Variants in NUP153 observed in about 807,000 individuals in gnomAD.
NUP153 encodes the protein nuclear pore complex protein Nup153.
In NUP153, 27 loss-of-function variants were observed where a neutral mutation model predicts 134.6. The observed-to-expected ratio is 0.20, with a 90% CI of 0.15 to 0.28. NUP153 has a LOEUF of 0.28. NUP153 is among the 10% of genes least tolerant of loss of function. The pLI is 1.00. For synonymous variants in NUP153, 640 were observed against 623.5 expected, an observed-to-expected ratio of 1.03 and a Z score of -0.40; for missense variants, 1,821 against 1,731.3, an observed-to-expected ratio of 1.05 and a Z score of -0.92.
chr6:17,642,925 A>C (rs1011072915), intron 14 of NUP153, among the ~76,000 whole-genome samples: 8 of 152,218 alleles, frequency 5.3e-5, no homozygotes, highest in Non-Finnish European at 1.2e-4. Flanking sequence ...AGCTGTACGA[A>C]GCCACATTGT....
At chr6:17,648,571 C>T (rs923574878) in intron 12 of NUP153, among the ~76,000 whole-genome samples, 2 of 151,880 alleles carry the variant, frequency 1.3e-5, no homozygotes, top group East Asian at 1.9e-4. Flanking sequence ...GAGCCAAGAT[C>T]GTGCCACTGC....
chr6:17,646,003 G>A (rs1207388493), intron 14 of NUP153, 64 bp downstream of exon 14: 1 of 618,916 alleles, frequency 1.6e-6, no homozygotes, highest in Admixed American at 3.1e-5. Flanking sequence ...GGTGAAAGAA[G>A]CTGAAATACT....
intron 11 of NUP153, among the ~76,000 whole-genome samples, chr6:17,656,470 G>C (rs1262225127): frequency 6.6e-6 from 1 of 152,154 alleles, no homozygotes; most frequent in Non-Finnish European, 1.5e-5. Context: ...AGTCTCCCCA[G>C]CTGGGGTGAT....
intron 11 of NUP153, among the ~76,000 whole-genome samples, chr6:17,657,385 T>TAAAAAAAA (rs151192201): frequency 3.6e-5 from 5 of 137,896 alleles, no homozygotes; most frequent in African/African-American, 1.1e-4. Flanking sequence ...TCTACTAAAA[T>TAAAAAAAA]AAAAAAATAA....
rs1316548322 is a variant in NUP153, at chr6:17,672,939, T to G, written c.852+1966A>C. ...AATTAAAACCTAAAACTATAAAACTTGTAGAAGAAAACATAAGACAAAATC... is the reference window on the plus strand; with the variant it reads ...AATTAAAACCTAAAACTATAAAACTGGTAGAAGAAAACATAAGACAAAATC... On this transcript the variant is annotated intron_variant, in intron 5 of 21. Transcript: ENST00000262077. 2.6e-5 allele frequency among the ~76,000 whole-genome samples: 4 copies of G among 152,130 alleles called. No individual in the cohort carries two copies. The East Asian group carries it at 7.7e-4, about 29-fold the overall frequency.
At chr6:17,693,183 TACAC>T (rs67348223) in intron 1 of NUP153, among the ~76,000 whole-genome samples, 27,467 of 145,804 alleles carry the variant, frequency 0.19, 3,189 homozygotes, top group Non-Finnish European at 0.25. Context: ...AGCTTTTTCC[TACAC>T]ACACACACAC....
intron 11 of NUP153, among the ~76,000 whole-genome samples, chr6:17,655,540 C>A (rs183418498): frequency 1.6e-3 from 250 of 151,828 alleles, no homozygotes; most frequent in Non-Finnish European, 2.6e-3. Flanking sequence ...TGCAACCTCC[C>A]CCTCCCAGGT....
chr6:17,674,786 T>C lies in NUP153; in HGVS notation c.852+119A>G, dbSNP rs1039707279. On this transcript the variant is annotated intron_variant, in intron 5 of 21. Coordinates refer to ENST00000262077, the MANE Select transcript of NUP153 (RefSeq NM_005124.4). The stretch of plus-strand genomic sequence containing the variant: ...AGACTCCATCTCGAAAAAATATAAA[T>C]AAAAGAAAAATAAAAAATAAATCAA... 7.7e-6 allele frequency: 7 copies of C among 909,334 alleles called. No individual in the cohort carries two copies. The South Asian group carries it at 1.6e-4, about 21-fold the overall frequency. The allele number at this position is 909,334 out of a possible 1,614,324, so 56.3% of individuals were successfully genotyped here. A position where few individuals can be genotyped will look rare whatever the true frequency, so the allele number is the denominator to read the frequency against.
In NUP153 at chr6:17,683,636, T is replaced by C. The variant is rs530723493; in HGVS notation, c.334+4760A>G. ...AATTACACAGCACAGGCAGAGTAGA[T>C]TTAGCATAATTCTTAGGAGCCCTAG... On this transcript the variant is annotated intron_variant, in intron 2 of 21. Transcript: ENST00000262077. Among the ~76,000 whole-genome samples the C allele has an allele frequency of 3.9e-5, 6 of 152,274 alleles. No individual in the cohort carries two copies. In the East Asian group the frequency reaches 1.2e-3, roughly 29 times the overall value.
chr6:17,649,651 G>C (rs1404063656), intron 11 of NUP153, among the ~76,000 whole-genome samples: 2 of 152,084 alleles, frequency 1.3e-5, no homozygotes, highest in African/African-American at 4.8e-5. Flanking sequence ...CCTGACCCAT[G>C]GTCAACCATG....
chr6:17,663,386 C>A (rs1219576097), intron 9 of NUP153, among the ~76,000 whole-genome samples: 2 of 152,036 alleles, frequency 1.3e-5, no homozygotes, highest in East Asian at 3.9e-4. Flanking sequence ...ACCGCAACCT[C>A]CTGCCTTGCT....
Position 17,691,384 on chromosome 6 carries a change from A to G in NUP153, c.112-2766T>C, listed in dbSNP as rs1769265729. 2.0e-5 allele frequency among the ~76,000 whole-genome samples: 3 copies of G among 152,200 alleles called. No individual in the cohort carries two copies. In the South Asian group the frequency reaches 6.2e-4, roughly 32 times the overall value. Reference sequence around the variant, plus strand: ...TATATACCTATATCCAATATTTAATATTTGTAAAAACACACCTAATACTAG... The same window carrying G: ...TATATACCTATATCCAATATTTAATGTTTGTAAAAACACACCTAATACTAG... On this transcript the variant is annotated intron_variant, in intron 1 of 21. Transcript: ENST00000262077.
chr6:17,678,936 A>G (rs1471953047), intron 2 of NUP153, among the ~76,000 whole-genome samples: 1 of 118,206 alleles, frequency 8.5e-6, no homozygotes, highest in Non-Finnish European at 1.8e-5. Context: ...ACAAAGCAAG[A>G]CTATCTCATT....
intron 20 of NUP153, among the ~76,000 whole-genome samples, chr6:17,622,598 C>CT (rs889248667): frequency 6.6e-5 from 10 of 152,232 alleles, no homozygotes; most frequent in African/African-American, 2.4e-4. Context: ...TTTAGGGCCT[C>CT]TGTAGCCTTT....
intron 5 of NUP153, 27 bp downstream of exon 5, chr6:17,674,878 A>G: frequency 6.7e-7 from 1 of 1,492,536 alleles, no homozygotes; most frequent in African/African-American, 1.4e-5. Context: ...AAAAAAAAAG[A>G]TCATCAACCC....
At chr6:17,643,427 G>A (rs1008271459) in intron 14 of NUP153, among the ~76,000 whole-genome samples, 5 of 152,148 alleles carry the variant, frequency 3.3e-5, no homozygotes, top group Non-Finnish European at 1.5e-5. Flanking sequence ...AGCTGAGATT[G>A]TGCAACTGCA....
chr6:17,633,929 AAC>A (rs1043717681), intron 16 of NUP153, among the ~76,000 whole-genome samples: 2 of 131,426 alleles, frequency 1.5e-5, no homozygotes, highest in African/African-American at 2.9e-5. Flanking sequence ...ATCCCCAAAA[AAC>A]AGTTTCCTAA....
chr6:17,693,053 T>C (rs1000562221), intron 1 of NUP153, among the ~76,000 whole-genome samples: 4 of 152,188 alleles, frequency 2.6e-5, no homozygotes, highest in African/African-American at 9.7e-5. Flanking sequence ...TACATACAGT[T>C]CATAAAATTA....
At chr6:17,671,680 A>G (rs1767918802) in intron 5 of NUP153, among the ~76,000 whole-genome samples, 2 of 152,112 alleles carry the variant, frequency 1.3e-5, no homozygotes, top group African/African-American at 2.4e-5. Context: ...TAAGATGCCT[A>G]TTCTCCCCAA....
Sources: allele counts gnomAD v4.1 joint callset (sites outside exome capture counted in the v4.1 genomes callset), GRCh38; gene constraint gnomAD v4.1.1; transcripts MANE v1.5; gene names NCBI Gene and HGNC (gene_info 2026-07-23, HGNC 2026-07-21).